NCAM2: variants seen among roughly 807,000 people sequenced by gnomAD.
NCAM2 encodes the protein neural cell adhesion molecule 2, also known as N-CAM-2.
NCAM2 carries 30 observed loss-of-function variants against 98.1 expected under a neutral mutation model. The observed-to-expected ratio is 0.31, with a 90% CI of 0.23 to 0.41. NCAM2 has a LOEUF of 0.41. Ranked by LOEUF, NCAM2 falls within the 10% of genes least tolerant of loss-of-function variation. The pLI, the probability that NCAM2 is intolerant of heterozygous loss-of-function variation, is 1.00. For missense variants in NCAM2, 867 were observed against 1,005.8 expected (o/e 0.86, Z 1.87); for synonymous variants, 368 against 342.4 (o/e 1.07, Z -0.83).
At chr21:21,054,375 A>G (rs1254094437) in intron 1 of NCAM2, among the ~76,000 whole-genome samples, 2 of 152,016 alleles carry the variant, frequency 1.3e-5, no homozygotes, top group African/African-American at 4.8e-5. Context: ...TCTTACTGCT[A>G]ACGTACTCCT....
intron 1 of NCAM2, among the ~76,000 whole-genome samples, chr21:21,184,819 A>C (rs1325016617): frequency 1.3e-5 from 2 of 152,118 alleles, no homozygotes; most frequent in Non-Finnish European, 2.9e-5. Flanking sequence ...GGCTATTTCT[A>C]GGAAGAGAAA....
chr21:21,377,666 T>C (rs559302175), intron 9 of NCAM2, among the ~76,000 whole-genome samples: 1 of 151,974 alleles, frequency 6.6e-6, no homozygotes, highest in African/African-American at 2.4e-5. Context: ...CATTAACATG[T>C]CCATTACCTC....
intron 1 of NCAM2, among the ~76,000 whole-genome samples, chr21:21,044,644 G>A (rs1301513458): frequency 6.6e-6 from 1 of 152,148 alleles, no homozygotes; most frequent in Non-Finnish European, 1.5e-5. Flanking sequence ...CTGTAAATGT[G>A]TGACCATACT....
At chr21:21,290,102 G>GT (rs1355960584) in intron 4 of NCAM2, 1 of 151,916 alleles carries the variant, frequency 6.6e-6, no homozygotes, top group Non-Finnish European at 1.5e-5. Flanking sequence ...CTAGTTCCAT[G>GT]TAAAGGCATG....
At chr21:21,076,994 A>G (rs919160064) in intron 1 of NCAM2, among the ~76,000 whole-genome samples, 8 of 152,146 alleles carry the variant, frequency 5.3e-5, no homozygotes, top group Non-Finnish European at 1.2e-4. Flanking sequence ...GAGTTTGGTC[A>G]TAAGAGAAAA....
chr21:21,482,296 A>G (rs1458920938), intron 15 of NCAM2, among the ~76,000 whole-genome samples: 1 of 152,106 alleles, frequency 6.6e-6, no homozygotes, highest in African/African-American at 2.4e-5. Context: ...TTAACATTAT[A>G]TATTTGCAAA....
Position 21,536,421 on chromosome 21 carries a change from C to T in NCAM2, c.2403-1425C>T, listed in dbSNP as rs537275430. Among the ~76,000 whole-genome samples, 141 of 145,066 alleles carry T rather than the reference C, an allele frequency of 9.7e-4. 2 individuals carry two copies. The highest frequency in any genetic ancestry group is 6.0e-3 in the South Asian group (28 of 4,630). ...TTTTTTTTTTTTCCGAGACTAGTTT[C>T]GCTCTTGTTGCCCAGGCTGGAGTGC... On this transcript the variant is annotated intron_variant, in intron 17 of 17. Transcript: ENST00000400546.
chr21:21,374,276 A>G (rs1465570063), intron 9 of NCAM2, among the ~76,000 whole-genome samples: 4 of 151,848 alleles, frequency 2.6e-5, no homozygotes, highest in African/African-American at 9.7e-5. Flanking sequence ...TTGAACTCAA[A>G]ACACAGTATC....
chr21:21,142,779 T>C (rs1310750238), intron 1 of NCAM2, among the ~76,000 whole-genome samples: 1 of 152,210 alleles, frequency 6.6e-6, no homozygotes, highest in Non-Finnish European at 1.5e-5. Context: ...CACACATCTG[T>C]ATTATATGCA....
intron 9 of NCAM2, among the ~76,000 whole-genome samples, chr21:21,378,549 T>TA (rs2148075121): frequency 6.6e-6 from 1 of 152,218 alleles, no homozygotes; most frequent in South Asian, 2.1e-4. Flanking sequence ...TTGCTTGAGT[T>TA]ATTTGTATAT....
At chr21:21,447,331 A>G (rs1232981485) in intron 12 of NCAM2, among the ~76,000 whole-genome samples, 1 of 152,166 alleles carries the variant, frequency 6.6e-6, no homozygotes, top group African/African-American at 2.4e-5. Context: ...TGGTGCTGGG[A>G]AAACTGGCTA....
chr21:21,260,253 G>A (rs1197916686), intron 1 of NCAM2, among the ~76,000 whole-genome samples: 1 of 151,522 alleles, frequency 6.6e-6, no homozygotes, highest in Non-Finnish European at 1.5e-5. Context: ...AAGAAAAAGC[G>A]AGCAACATGG....
At chr21:21,154,362 T>C (rs2067544231) in intron 1 of NCAM2, among the ~76,000 whole-genome samples, 1 of 151,852 alleles carries the variant, frequency 6.6e-6, no homozygotes, top group Non-Finnish European at 1.5e-5. Context: ...TTTGGAAGCA[T>C]TTAGGGAAAT....
intron 1 of NCAM2, among the ~76,000 whole-genome samples, chr21:21,058,719 T>C (rs918602402): frequency 6.6e-6 from 1 of 151,776 alleles, no homozygotes; most frequent in Non-Finnish European, 1.5e-5. Flanking sequence ...CATTGAGTCA[T>C]GTAGAAATAC....
chr21:21,102,501 A>T (rs1266872981), intron 1 of NCAM2, among the ~76,000 whole-genome samples: 4 of 151,976 alleles, frequency 2.6e-5, no homozygotes, highest in South Asian at 4.1e-4. Context: ...CATTCATAAA[A>T]TTTTTTGGCA....
At chr21:21,214,112 A>T (rs992649016) in intron 1 of NCAM2, among the ~76,000 whole-genome samples, 1 of 152,112 alleles carries the variant, frequency 6.6e-6, no homozygotes, top group African/African-American at 2.4e-5. Context: ...AATGAATTTC[A>T]CTCATACTAA....
chr21:21,115,546 GATTA>G (rs946600899), intron 1 of NCAM2, among the ~76,000 whole-genome samples: 2 of 152,160 alleles, frequency 1.3e-5, no homozygotes, highest in African/African-American at 2.4e-5. Flanking sequence ...AGCTTTCAAA[GATTA>G]TTAAGTCCTG....
chr21:21,280,711 T>A, intron 2 of NCAM2, 59 bp downstream of exon 2: 1 of 1,112,622 alleles, frequency 9.0e-7, no homozygotes, highest in Non-Finnish European at 1.3e-6. Flanking sequence ...ATTAATAAAA[T>A]GTGTTGGCTA....
intron 12 of NCAM2, among the ~76,000 whole-genome samples, chr21:21,453,843 T>G (rs1340148421): frequency 6.6e-6 from 1 of 152,102 alleles, no homozygotes; most frequent in Admixed American, 6.6e-5. Flanking sequence ...ATTCTTGAAT[T>G]AGTCCTTAGA....
Sources: gnomAD v4.1 joint callset for allele counts (sites outside exome capture counted in the v4.1 genomes callset) on GRCh38, gnomAD v4.1.1 for gene constraint, MANE v1.5 for transcripts, NCBI Gene and HGNC (gene_info 2026-07-23, HGNC 2026-07-21) for gene names.